Variants in CNOT6 observed in about 807,000 individuals in gnomAD.
The protein encoded by CNOT6 is carbon catabolite repression 4 protein.
A neutral mutation model predicts 61.2 loss-of-function variants in CNOT6; 12 were observed. The ratio of observed to expected loss-of-function variants is 0.20; its 90% confidence interval spans 0.13 to 0.32. The LOEUF is 0.32. Ranked by LOEUF, CNOT6 falls within the 10% of genes least tolerant of loss-of-function variation. CNOT6 has a pLI of 1.00. For synonymous variants in CNOT6, 225 were observed against 240.6 expected (o/e 0.94, Z 0.60); for missense variants, 405 against 663.9 (o/e 0.61, Z 4.28).
At chr5:180,500,631 A>G (rs1756831677) in intron 1 of CNOT6, among the ~76,000 whole-genome samples, 1 of 152,190 alleles carries the variant, frequency 6.6e-6, no homozygotes, top group East Asian at 1.9e-4. Context: ...AACAAGTTTT[A>G]TAGTTGATTA....
intron 2 of CNOT6, among the ~76,000 whole-genome samples, chr5:180,546,649 A>G (rs1374656935): frequency 2.0e-5 from 3 of 152,238 alleles, no homozygotes; most frequent in Non-Finnish European, 4.4e-5. Flanking sequence ...AGTTGTAGAG[A>G]AAATAATCTC....
chr5:180,575,790 CA>C lies in CNOT6; in HGVS notation c.*1591del, dbSNP rs1760975061. On this transcript the variant is annotated 3_prime_UTR_variant, in exon 12 of 12. Coordinates refer to ENST00000261951, the MANE Select transcript of CNOT6 (RefSeq NM_001370472.1). ...AAACTGCTTTTGTTTCAACTGCAGGCAGGGGAGCAAAAGGACGCCATGTGAG... is the reference window on the plus strand; with the variant it reads ...AAACTGCTTTTGTTTCAACTGCAGGCGGGGAGCAAAAGGACGCCATGTGAG... 1 of 152,236 alleles carries C rather than the reference CA, an allele frequency of 6.6e-6. No homozygotes were observed. The allele number at this position is 152,236 out of a possible 1,614,324, so 9.4% of individuals were successfully genotyped here.
chr5:180,541,469 T>TTTTTA (rs1759036632), intron 2 of CNOT6, among the ~76,000 whole-genome samples: 2 of 144,336 alleles, frequency 1.4e-5, no homozygotes, highest in Admixed American at 7.0e-5. Context: ...TTTTTTTTTT[T>TTTTTA]GAGACAGAGT....
intron 2 of CNOT6, among the ~76,000 whole-genome samples, chr5:180,537,446 A>C (rs1020137219): frequency 2.6e-5 from 4 of 151,806 alleles, no homozygotes; most frequent in East Asian, 1.9e-4. Context: ...TGTGTGTTCA[A>C]ATCTTTTGCC....
chr5:180,563,215 A>AT (rs1352423628), intron 4 of CNOT6, among the ~76,000 whole-genome samples: 5 of 126,066 alleles, frequency 4.0e-5, no homozygotes, highest in African/African-American at 5.6e-5. Flanking sequence ...TTTCCTGTTA[A>AT]ATTTTTTTTT....
chr5:180,525,538 CAAA>C (rs56234526), intron 1 of CNOT6, among the ~76,000 whole-genome samples: 20 of 83,482 alleles, frequency 2.4e-4, no homozygotes, highest in Non-Finnish European at 2.0e-4. Context: ...GACCCTGTCT[CAAA>C]AAAAAAAAAA....
chr5:180,573,419 G>C (rs1355754577), intron 11 of CNOT6, among the ~76,000 whole-genome samples: 1 of 152,048 alleles, frequency 6.6e-6, no homozygotes, highest in African/African-American at 2.4e-5. Context: ...TGAGAGGTAG[G>C]GTAGTAAGTA....
rs765040951 is a variant in CNOT6, at chr5:180,569,122, A to G, written c.1040A>G (p.His347Arg). The change falls in exon 10 of 12, where the codon CAT becomes CGT. Residue 347 changes from histidine (H) to arginine (R), a missense_variant. Transcript: ENST00000261951. ...TTATCTAATGTAGCCGGAAAGCCACATCTTGGAACAGAAAAACAACTTATT... is the reference window on the plus strand; with the variant it reads ...TTATCTAATGTAGCCGGAAAGCCACGTCTTGGAACAGAAAAACAACTTATT... ...ESIEMPSGKP[H>R]LGTEKQLILV... 9 of 1,613,266 alleles carry G rather than the reference A, an allele frequency of 5.6e-6. No individual in the cohort carries two copies. In the African/African-American group the frequency reaches 1.2e-4, roughly 22 times the overall value.
chr5:180,513,457 C>T (rs959949167), intron 1 of CNOT6, among the ~76,000 whole-genome samples: 10 of 152,098 alleles, frequency 6.6e-5, no homozygotes, highest in African/African-American at 9.7e-5. Context: ...ACCTCCGCCT[C>T]CCAGGTTCAA....
intron 4 of CNOT6, among the ~76,000 whole-genome samples, chr5:180,561,819 A>C (rs1304092111): frequency 2.0e-5 from 3 of 152,094 alleles, no homozygotes; most frequent in Non-Finnish European, 2.9e-5. Context: ...GAGATGGTGA[A>C]AGTCTTGACT....
At chr5:180,538,229 C>A (rs1039253268) in intron 2 of CNOT6, among the ~76,000 whole-genome samples, 3 of 151,306 alleles carry the variant, frequency 2.0e-5, no homozygotes, top group African/African-American at 7.3e-5. Flanking sequence ...TTAGTAGAGA[C>A]GGGGTTTCAC....
intron 2 of CNOT6, among the ~76,000 whole-genome samples, chr5:180,533,339 T>C (rs200549772): frequency 0.19 from 25,527 of 136,200 alleles, 2,762 homozygotes; most frequent in Non-Finnish European, 0.21. Flanking sequence ...TATATATATA[T>C]ATATCACCGT....
chr5:180,571,452 A>G lies in CNOT6; in HGVS notation c.1461+20A>G, dbSNP rs1387888500. The G allele has an allele frequency of 1.9e-6, 3 of 1,583,482 alleles. No homozygotes were observed. Among genetic ancestry groups the G allele is most frequent in the Non-Finnish European group, 8.7e-7 (1 of 1,152,728 alleles). ...TTCAAGGTGTGTCTTGAGACTGATA[A>G]GCTTTTCAAACCTGTCTTTTACTGG... On this transcript the variant is annotated intron_variant, in intron 11 of 11. Transcript: ENST00000261951.
chr5:180,534,247 A>C (rs1250677328), intron 2 of CNOT6: 3 of 158,778 alleles, frequency 1.9e-5, no homozygotes, highest in Non-Finnish European at 2.8e-5. Flanking sequence ...TTTGCTACCG[A>C]AAGGGGAAGG....
At chr5:180,525,538 CAAAAA>C (rs56234526) in intron 1 of CNOT6, among the ~76,000 whole-genome samples, 1 of 83,516 alleles carries the variant, frequency 1.2e-5, no homozygotes. Flanking sequence ...GACCCTGTCT[CAAAAA>C]AAAAAAAAAA....
chr5:180,514,742 T>G (rs1240000414), intron 1 of CNOT6, among the ~76,000 whole-genome samples: 2 of 152,212 alleles, frequency 1.3e-5, no homozygotes, highest in African/African-American at 4.8e-5. Flanking sequence ...GCTTGTCACA[T>G]TGAAGGTACT....
At chr5:180,511,899 G>A (rs56039468) in intron 1 of CNOT6, among the ~76,000 whole-genome samples, 38,018 of 152,252 alleles carry the variant, frequency 0.25, 5,826 homozygotes, top group Middle Eastern at 0.4. Flanking sequence ...TAGGATTACC[G>A]GCATATGCCA....
At chr5:180,502,284 AT>A (rs1177192847) in intron 1 of CNOT6, among the ~76,000 whole-genome samples, 1 of 152,232 alleles carries the variant, frequency 6.6e-6, no homozygotes, top group African/African-American at 2.4e-5. Flanking sequence ...TTCAAAAACA[AT>A]AAAAAAAACT....
At chr5:180,529,485 T>C (rs1039340553) in intron 2 of CNOT6, 97 bp downstream of exon 2, 4 of 714,404 alleles carry the variant, frequency 5.6e-6, no homozygotes, top group Middle Eastern at 4.7e-4. Flanking sequence ...ATTGATTTTA[T>C]ATTTTACAAA....
Sources: gnomAD v4.1 joint callset for allele counts (sites outside exome capture counted in the v4.1 genomes callset) on GRCh38, gnomAD v4.1.1 for gene constraint, MANE v1.5 for transcripts, NCBI Gene and HGNC (gene_info 2026-07-23, HGNC 2026-07-21) for gene names.